Variants in PCDHGA4 observed in about 807,000 individuals in gnomAD.
The protein encoded by PCDHGA4 is protocadherin gamma subfamily A, 4.
A neutral mutation model predicts 54.6 loss-of-function variants in PCDHGA4; 38 were observed. The ratio of observed to expected loss-of-function variants is 0.70; its 90% CI spans 0.54 to 0.91. PCDHGA4 has a LOEUF of 0.91. PCDHGA4 is among the 40% of genes least tolerant of loss of function. PCDHGA4 has a pLI of 0.00. For missense variants in PCDHGA4, 1,298 were observed against 1,220.9 expected, an observed-to-expected ratio of 1.06 and a Z score of -0.94; for synonymous variants, 511 against 512.9, an observed-to-expected ratio of 1.00 and a Z score of 0.05.
Position 141,441,858 on chromosome 5 carries a change from C to T in PCDHGA4, c.2515-52949C>T, listed in dbSNP as rs535716058. The T allele has an allele frequency of 6.0e-5, 21 of 349,416 alleles. No homozygotes were observed. The East Asian group carries it at 7.4e-4, about 12-fold the overall frequency. The allele number at this position is 349,416 out of a possible 1,614,324, so 21.6% of individuals were successfully genotyped here. On this transcript the variant is annotated intron_variant, in intron 1 of 3. Coordinates refer to ENST00000571252, the MANE Select transcript of PCDHGA4 (RefSeq NM_018917.4). ...TCGCGCTCTTGGATATGGTGCTGCA[C>T]GCCGCGGAGCCTGGCTACCTGGTCA...
intron 1 of PCDHGA4, chr5:141,383,379 A>G: frequency 6.2e-7 from 1 of 1,614,052 alleles, no homozygotes; most frequent in Non-Finnish European, 8.5e-7. Context: ...CTGGGGATCC[A>G]GATGTGGGCA....
At chr5:141,433,028 G>C in intron 1 of PCDHGA4, 1 of 1,614,116 alleles carries the variant, frequency 6.2e-7, no homozygotes, top group Non-Finnish European at 8.5e-7. Context: ...TTCCCACGAG[G>C]TTTCCCTCAC....
chr5:141,492,023 C>A, intron 1 of PCDHGA4: 1 of 564,804 alleles, frequency 1.8e-6, no homozygotes, highest in Non-Finnish European at 3.0e-6. Context: ...TCGGGGGTCC[C>A]GGGAGGAGGC....
intron 1 of PCDHGA4, chr5:141,478,721 C>A: frequency 6.5e-7 from 1 of 1,543,216 alleles, no homozygotes; most frequent in Non-Finnish European, 8.8e-7. Context: ...TGGTGGCCTG[C>A]CAGAGTGTGG....
chr5:141,409,961 C>G (rs538942740), intron 1 of PCDHGA4: 26 of 1,613,442 alleles, frequency 1.6e-5, no homozygotes, highest in Admixed American at 8.3e-5. Context: ...GCCCGGCTAC[C>G]TAGTGACTAA....
rs200931939 is a variant in PCDHGA4, at chr5:141,423,096, C to T, written c.2514+65475C>T. On this transcript the variant is annotated intron_variant, in intron 1 of 3. Transcript: ENST00000571252. Reference sequence around the variant, plus strand: ...CGGGACTCTTCGCGGTGGGGGAGCACACGGGCGAGGTGCGTACAGCGCGGG... The same window carrying T: ...CGGGACTCTTCGCGGTGGGGGAGCATACGGGCGAGGTGCGTACAGCGCGGG... The T allele has an allele frequency of 3.8e-5, 61 of 1,613,974 alleles. No individual in the cohort carries two copies. In the East Asian group the frequency reaches 1.3e-3, roughly 35 times the overall value.
rs374200575 is a variant in PCDHGA4, at chr5:141,432,105, C to T, written c.2515-62702C>T. On this transcript the variant is annotated intron_variant, in intron 1 of 3. Transcript: ENST00000571252. The surrounding 1 kb of genome is among the most constrained non-coding windows in gnomAD (Gnocchi z 6.0). ...AACGTGGCAGACACCAACGACAACC[C>T]GCCGGTCTTCCCTCAGGCCTCCTAT... 1.9e-6 allele frequency: 3 copies of T among 1,614,172 alleles called. No homozygotes were observed. Among genetic ancestry groups the T allele is most frequent in the Admixed American group, 3.3e-5 (2 of 60,032 alleles).
chr5:141,413,302 T>C (rs746274089), intron 1 of PCDHGA4: 2 of 1,613,960 alleles, frequency 1.2e-6, no homozygotes, highest in Non-Finnish European at 8.5e-7. Context: ...TCCTGAGGAA[T>C]TAGAGAAAGG....
At chr5:141,498,248 G>A (rs1484987588) in intron 2 of PCDHGA4, among the ~76,000 whole-genome samples, 2 of 152,208 alleles carry the variant, frequency 1.3e-5, no homozygotes, top group Non-Finnish European at 2.9e-5. Flanking sequence ...CTTCAAAGCA[G>A]GGCTGGTGTT....
At chr5:141,369,792 G>C (rs1166011408) in intron 1 of PCDHGA4, among the ~76,000 whole-genome samples, 1 of 152,158 alleles carries the variant, frequency 6.6e-6, no homozygotes, top group Non-Finnish European at 1.5e-5. Context: ...TTTATACTAC[G>C]TCTTCTGCCA....
intron 1 of PCDHGA4, among the ~76,000 whole-genome samples, chr5:141,401,282 C>T (rs963741934): frequency 2.6e-5 from 4 of 151,884 alleles, no homozygotes; most frequent in Non-Finnish European, 4.4e-5. Flanking sequence ...GTGGAGGTTG[C>T]GGTGAGCCGA....
chr5:141,492,072 C>G (rs2099736816), intron 1 of PCDHGA4: 2 of 480,040 alleles, frequency 4.2e-6, no homozygotes, highest in East Asian at 3.3e-5. Context: ...TCCTAGGCGC[C>G]GGCTCCGGCA....
chr5:141,398,092 T>C (rs748472174), intron 1 of PCDHGA4: 19 of 1,598,994 alleles, frequency 1.2e-5, no homozygotes, highest in Non-Finnish European at 1.6e-5. Flanking sequence ...ACCTGGCGTC[T>C]CCAGGCTGGT....
Position 141,491,244 on chromosome 5 carries a change from T to A in PCDHGA4, c.2515-3563T>A. 1 of 1,614,210 alleles carries A rather than the reference T, an allele frequency of 6.2e-7. No individual in the cohort carries two copies. Among genetic ancestry groups the A allele is most frequent in the Non-Finnish European group, 8.5e-7 (1 of 1,180,024 alleles). On this transcript the variant is annotated intron_variant, in intron 1 of 3. Coordinates refer to ENST00000571252, the MANE Select transcript of PCDHGA4 (RefSeq NM_018917.4). This position sits in a 1 kb window ranked among gnomAD's most constrained non-coding sequence, Gnocchi z 6.9. ...CCACAGTGCTGCTGGTTCTGGAGGA[T>A]GAGGACCCTGAGGAAATGCCCAAAT...
intron 1 of PCDHGA4, chr5:141,423,620 C>G: frequency 6.2e-7 from 1 of 1,608,268 alleles, no homozygotes; most frequent in Non-Finnish European, 8.5e-7. Flanking sequence ...GCTGAAGACT[C>G]AGCTATCATT....
chr5:141,426,970 A>G (rs772659046), intron 1 of PCDHGA4: 1 of 456,742 alleles, frequency 2.2e-6, no homozygotes. Context: ...ATTCAAATTG[A>G]GGTCACTGAT....
At chr5:141,414,064 C>T in intron 1 of PCDHGA4, 1 of 1,607,864 alleles carries the variant, frequency 6.2e-7, no homozygotes, top group Non-Finnish European at 8.5e-7. Context: ...GTTGAAGTTC[C>T]AACTAAACAA....
At chr5:141,426,850 C>T in intron 1 of PCDHGA4, 1 of 456,734 alleles carries the variant, frequency 2.2e-6, no homozygotes. Context: ...GGCAAGAACG[C>T]TCCAGAATTA....
chr5:141,365,408 T>C, intron 1 of PCDHGA4: 1 of 1,614,004 alleles, frequency 6.2e-7, no homozygotes, highest in Non-Finnish European at 8.5e-7. Flanking sequence ...CTCTGAAGAC[T>C]GTCTTCCCGG....
Sources: gnomAD v4.1 joint callset for allele counts (sites outside exome capture counted in the v4.1 genomes callset) on GRCh38, gnomAD v4.1.1 for gene constraint, Gnocchi (gnomAD v3.1) non-coding constraint, MANE v1.5 for transcripts, NCBI Gene and HGNC (gene_info 2026-07-23, HGNC 2026-07-21) for gene names.